The following NAPEPLD variants were observed in gnomAD, a reference collection of about 807,000 sequenced individuals.
NAPEPLD encodes the protein N-acyl phosphatidylethanolamine phospholipase D, also known as N-acyl-phosphatidylethanolamine-hydrolyzing phospholipase D.
In NAPEPLD, 23 loss-of-function variants were observed where a neutral mutation model predicts 38.1. That is an observed-to-expected ratio of 0.60 (90% CI 0.43 to 0.86). The LOEUF (loss-of-function observed/expected upper bound fraction) is 0.86, where lower values mean the gene tolerates loss of function less well. Among genes scored for constraint, NAPEPLD ranks in the 40% least tolerant of loss-of-function variants. The probability of loss-of-function intolerance (pLI) is 0.00; values close to 1 mark genes in which losing one functional copy is unlikely to be tolerated. For missense variants in NAPEPLD, 411 were observed against 476.8 expected (o/e 0.86, Z 1.28); for synonymous variants, 147 against 162.0 (o/e 0.91, Z 0.71).
chr7:103,148,754 C>T, intron 1 of NAPEPLD, 57 bp downstream of exon 1: 2 of 945,684 alleles, frequency 2.1e-6, no homozygotes, highest in South Asian at 9.8e-5. Flanking sequence ...CAATAAGTTG[C>T]TCGGAGGAAG....
intron 1 of NAPEPLD, among the ~76,000 whole-genome samples, chr7:103,140,387 C>CTTTTTTTTT (rs377763676): frequency 2.2e-5 from 2 of 92,622 alleles, no homozygotes; most frequent in Non-Finnish European, 3.8e-5. Context: ...TCACAGAACT[C>CTTTTTTTTT]TTTTTTTTTT....
At chr7:103,119,513 C>T in intron 3 of NAPEPLD, 64 bp downstream of exon 3, 2 of 1,515,604 alleles carry the variant, frequency 1.3e-6, no homozygotes, top group East Asian at 2.3e-5. Context: ...ATCATAATTG[C>T]TTTACTTTTA....
rs887714797 is a variant in NAPEPLD, at chr7:103,101,429, C to T, written c.*2000G>A. 2 of 152,204 alleles carry T rather than the reference C, an allele frequency of 1.3e-5. No homozygotes were observed. Among genetic ancestry groups the T allele is most frequent in the African/African-American group, 4.8e-5 (2 of 41,370 alleles). The allele number at this position is 152,204 out of a possible 1,614,324, so 9.4% of individuals were successfully genotyped here. A position where few individuals can be genotyped will look rare whatever the true frequency, so the allele number is the denominator to read the frequency against. On this transcript the variant is annotated 3_prime_UTR_variant, in exon 5 of 5. Transcript: ENST00000465647. ...ATTTACACTTATTTAGGCTATTACT[C>T]CAATTTAAAAATCAGTGAAAGTTTT...
chr7:103,122,671 G>A (rs1045469922), intron 2 of NAPEPLD, among the ~76,000 whole-genome samples: 1 of 152,132 alleles, frequency 6.6e-6, no homozygotes, highest in African/African-American at 2.4e-5. Flanking sequence ...GACATAATAA[G>A]CACTCTACAA....
chr7:103,106,462 G>A (rs1039928134), intron 4 of NAPEPLD, among the ~76,000 whole-genome samples: 3 of 152,052 alleles, frequency 2.0e-5, no homozygotes, highest in Admixed American at 1.3e-4. Context: ...GCTCAGCGGG[G>A]CCCACCCCCA....
chr7:103,120,058 C>T lies in NAPEPLD; in HGVS notation c.460G>A (p.Ala154Thr). 1.2e-6 allele frequency: 2 copies of T among 1,614,196 alleles called. No individual in the cohort carries two copies. The highest frequency in any genetic ancestry group is 1.7e-6 in the Non-Finnish European group (2 of 1,180,036). ...FLTDPIFSSR[A>T]SPSQYMGPKR... ...GGACCCATGTACTGCGATGGTGAAG[C>T]ACGAGAGCTAAAGATGGGATCCGTG... is the stretch of plus-strand genomic sequence containing the variant. The change falls in exon 3 of 5, where the codon GCT becomes ACT. Residue 154 changes from alanine to threonine, a missense_variant. Transcript: ENST00000465647.
At chr7:103,106,200 G>C (rs1803301734) in intron 4 of NAPEPLD, among the ~76,000 whole-genome samples, 1 of 152,096 alleles carries the variant, frequency 6.6e-6, no homozygotes, top group East Asian at 1.9e-4. Context: ...GGGAGGAACA[G>C]TGCACTCCAG....
chr7:103,130,762 G>T (rs952521), intron 1 of NAPEPLD, among the ~76,000 whole-genome samples: 1 of 152,134 alleles, frequency 6.6e-6, no homozygotes, highest in South Asian at 2.1e-4. Flanking sequence ...TGCCTGGCTA[G>T]TTTTTTTATT....
chr7:103,149,708 A>T (rs148137296), upstream of NAPEPLD: 1 of 249,462 alleles, frequency 4.0e-6, no homozygotes, highest in African/African-American at 2.4e-5. Context: ...CCTAAGATCA[A>T]ATTGGTTCCC....
intron 1 of NAPEPLD, among the ~76,000 whole-genome samples, chr7:103,133,956 A>T (rs1333048919): frequency 6.6e-6 from 1 of 152,222 alleles, no homozygotes; most frequent in Non-Finnish European, 1.5e-5. Flanking sequence ...ATCTAAACAA[A>T]TAAGTAATAA....
chr7:103,119,435 G>C, intron 3 of NAPEPLD, 142 bp downstream of exon 3: 1 of 674,452 alleles, frequency 1.5e-6, no homozygotes, highest in Non-Finnish European at 2.2e-6. Context: ...AATTGAATCT[G>C]ACCTACCAAC....
chr7:103,139,644 T>G (rs1421033096), intron 1 of NAPEPLD, among the ~76,000 whole-genome samples: 1 of 152,206 alleles, frequency 6.6e-6, no homozygotes, highest in Non-Finnish European at 1.5e-5. Flanking sequence ...GAGAGGTTAC[T>G]TGAACCCTGA....
At chr7:103,112,180 T>A (rs1312860990) in intron 4 of NAPEPLD, among the ~76,000 whole-genome samples, 1 of 152,154 alleles carries the variant, frequency 6.6e-6, no homozygotes, top group African/African-American at 2.4e-5. Flanking sequence ...TCAACCACTG[T>A]GGAAGACACT....
chr7:103,148,167 C>T, intron 1 of NAPEPLD: 1 of 889,020 alleles, frequency 1.1e-6, no homozygotes, highest in South Asian at 5.2e-5. Flanking sequence ...AATTATTTCT[C>T]AATTTGAAGA....
chr7:103,119,076 T>G (rs1806099802), intron 3 of NAPEPLD, among the ~76,000 whole-genome samples: 1 of 152,244 alleles, frequency 6.6e-6, no homozygotes, highest in African/African-American at 2.4e-5. Flanking sequence ...AAAGAAAGTA[T>G]TCTCCATGTG....
intron 1 of NAPEPLD, among the ~76,000 whole-genome samples, chr7:103,130,750 C>G (rs1426803830): frequency 1.3e-5 from 2 of 152,140 alleles, no homozygotes; most frequent in Non-Finnish European, 2.9e-5. Flanking sequence ...TGTGTGCCAC[C>G]ATGCCTGGCT....
chr7:103,103,313 C>T lies in NAPEPLD; in HGVS notation c.*116G>A. On this transcript the variant is annotated 3_prime_UTR_variant, in exon 5 of 5. Coordinates refer to ENST00000465647, the MANE Select transcript of NAPEPLD (RefSeq NM_001122838.3). Reference sequence around the variant, plus strand: ...ACACAAAACATAAAACATAAACTTGCAGAAGTTGTTTCCAAATGTAAAATA... The same window carrying T: ...ACACAAAACATAAAACATAAACTTGTAGAAGTTGTTTCCAAATGTAAAATA... The T allele has an allele frequency of 7.2e-6, 9 of 1,243,490 alleles. No homozygotes were observed. In the South Asian group the frequency reaches 1.3e-4, roughly 18 times the overall value. The allele number at this position is 1,243,490 out of a possible 1,614,324, so 77.0% of individuals were successfully genotyped here. A position where few individuals can be genotyped will look rare whatever the true frequency, so the allele number is the denominator to read the frequency against.
intron 4 of NAPEPLD, among the ~76,000 whole-genome samples, chr7:103,109,074 C>T (rs982168244): frequency 4.6e-5 from 7 of 152,160 alleles, no homozygotes; most frequent in Non-Finnish European, 7.3e-5. Flanking sequence ...TACAGGAGCA[C>T]CCAGATTCAT....
Position 103,119,672 on chromosome 7 carries a change from T to C in NAPEPLD, c.846A>G (p.Ala282=), listed in dbSNP as rs781229070. 8 of 1,614,020 alleles carry C rather than the reference T, an allele frequency of 5.0e-6. No individual in the cohort carries two copies. In the Admixed American group the frequency reaches 1.3e-4, roughly 27 times the overall value. The stretch of plus-strand genomic sequence containing the variant: ...AAGCAGGGCAATAACCAGTATCTCC[T>C]GCGAAAAAAAATCGATTCCAAGGCC... ...VLGPWNRFFF[A]GDTGYCPAFE... is the part of the protein sequence containing the mutation. Residue 282 remains alanine (A), a synonymous_variant, in exon 3 of 5, where the codon GCA becomes GCG. Transcript: ENST00000465647.
Sources: gnomAD v4.1 joint callset for allele counts (sites outside exome capture counted in the v4.1 genomes callset) on GRCh38, gnomAD v4.1.1 for gene constraint, MANE v1.5 for transcripts, NCBI Gene and HGNC (gene_info 2026-07-23, HGNC 2026-07-21) for gene names.